INPP5D: variants seen among roughly 807,000 people sequenced by gnomAD.
INPP5D encodes inositol polyphosphate-5-phosphatase D.
Under a neutral mutation model 122.9 loss-of-function variants are expected in INPP5D, and 33 were observed. The ratio of observed to expected loss-of-function variants is 0.27; its 90% CI spans 0.20 to 0.36. The LOEUF (loss-of-function observed/expected upper bound fraction) is 0.36. Among genes scored for constraint, INPP5D ranks in the 10% least tolerant of loss-of-function variants. INPP5D has a pLI of 1.00. For missense variants in INPP5D, 1,053 were observed against 1,412.7 expected (o/e 0.75, Z 4.08); for synonymous variants, 584 against 576.2 (o/e 1.01, Z -0.19).
rs1163847914 is a variant in INPP5D, at chr2:233,128,626, C to T, written c.525-1882C>T. Among the ~76,000 whole-genome samples, 6 of 152,116 alleles carry T rather than the reference C, an allele frequency of 3.9e-5. No homozygotes were observed. The highest frequency in any genetic ancestry group is 3.9e-4 in the East Asian group (2 of 5,172). On this transcript the variant is annotated intron_variant, in intron 4 of 26. Transcript: ENST00000445964. The surrounding 1 kb of genome is among the most constrained non-coding windows in gnomAD (Gnocchi z 4.5). The stretch of plus-strand genomic sequence containing the variant: ...CTGAGTAGCTGGGACTACAAACGCA[C>T]GCCACCACGCCCAGCTAATTTTTGT...
intron 2 of INPP5D, among the ~76,000 whole-genome samples, chr2:233,097,767 A>C (rs1322351724): frequency 2.0e-5 from 3 of 152,200 alleles, no homozygotes; most frequent in Non-Finnish European, 4.4e-5. Flanking sequence ...AATGGCAGAC[A>C]GTCTGTTCCT....
In INPP5D at chr2:233,163,920, A is replaced by C. The variant is rs773002781; in HGVS notation, c.1437+17A>C. On this transcript the variant is annotated intron_variant, in intron 12 of 26. Coordinates refer to ENST00000445964, the MANE Select transcript of INPP5D (RefSeq NM_001017915.3). ...TTTAAAACAGTGAGCAGCTGGCTGC[A>C]CGCTGGGTGGGCTTCCGGGATAGAA... The C allele has an allele frequency of 6.2e-7, 1 of 1,611,772 alleles. No individual in the cohort carries two copies. Among genetic ancestry groups the C allele is most frequent in the Non-Finnish European group, 8.5e-7 (1 of 1,178,244 alleles).
In INPP5D at chr2:233,114,930, C is replaced by T. The variant is rs551860018; in HGVS notation, c.199-7177C>T. ...TCACCCAGGCTGGACTGCAATGGCA[C>T]AATCTCGGCTCACCACAACCTCTGC... On this transcript the variant is annotated intron_variant, in intron 2 of 26. Transcript: ENST00000445964. Among the ~76,000 whole-genome samples, 17 of 151,772 alleles carry T rather than the reference C, an allele frequency of 1.1e-4. No homozygotes were observed. The South Asian group carries it at 3.3e-3, about 30-fold the overall frequency.
chr2:233,182,341 G>T (rs917699910), intron 18 of INPP5D, 69 bp from the exon 19 acceptor site: 2 of 1,598,132 alleles, frequency 1.3e-6, no homozygotes, highest in African/African-American at 1.3e-5. Flanking sequence ...CTGCTTTAGG[G>T]TTGCCATCCT....
At chr2:233,075,328 C>A (rs532493784) in intron 1 of INPP5D, among the ~76,000 whole-genome samples, 11 of 152,270 alleles carry the variant, frequency 7.2e-5, no homozygotes, top group African/African-American at 2.6e-4. Flanking sequence ...AGCTGAGAGC[C>A]AGTGTTAGCG....
chr2:233,204,109 T>C lies in INPP5D; in HGVS notation c.2976-17T>C. On this transcript the variant is annotated splice_polypyrimidine_tract_variant and intron_variant, in intron 25 of 26. Coordinates refer to ENST00000445964, the MANE Select transcript of INPP5D (RefSeq NM_001017915.3). ...TCCCCTGGACATGTGTCTTCCCTGC[T>C]CTGTCCCTGGCTCTAGGCCCAGTGA... The C allele has an allele frequency of 6.6e-7, 1 of 1,507,988 alleles. No individual in the cohort carries two copies. Among genetic ancestry groups the C allele is most frequent in the Non-Finnish European group, 8.9e-7 (1 of 1,126,152 alleles). The allele number at this position is 1,507,988 out of a possible 1,614,324, so 93.4% of individuals were successfully genotyped here. A position where few individuals can be genotyped will look rare whatever the true frequency, so the allele number is the denominator to read the frequency against.
intron 6 of INPP5D, chr2:233,145,126 A>C: frequency 2.3e-6 from 1 of 427,090 alleles, no homozygotes; most frequent in Non-Finnish European, 4.7e-6. Flanking sequence ...AAGGTATCTT[A>C]TTAACTCTAC....
intron 10 of INPP5D, among the ~76,000 whole-genome samples, 151 bp downstream of exon 10, chr2:233,158,570 T>C (rs1175074956): frequency 1.3e-5 from 2 of 152,056 alleles, no homozygotes; most frequent in Admixed American, 6.6e-5. Flanking sequence ...CTTAGAGAAG[T>C]TGAGGATCAT....
chr2:233,077,976 G>A (rs1324095554), intron 1 of INPP5D, among the ~76,000 whole-genome samples: 2 of 152,178 alleles, frequency 1.3e-5, no homozygotes, highest in African/African-American at 2.4e-5. Flanking sequence ...TGAGGCACTG[G>A]CTTCATTACA....
At chr2:233,110,630 T>C (rs1267199861) in intron 2 of INPP5D, among the ~76,000 whole-genome samples, 1 of 152,110 alleles carries the variant, frequency 6.6e-6, no homozygotes, top group East Asian at 1.9e-4. Flanking sequence ...GCTCAAAAAG[T>C]GGTTATTTAG....
In INPP5D at chr2:233,125,751, G is replaced by C. The variant is rs1227288206; in HGVS notation, c.356G>C (p.Ser119Thr). Residue 119 changes from serine (S) to threonine (T), a missense_variant, in exon 4 of 27, where the codon AGT becomes ACT. By Grantham distance (58) the Ser-to-Thr change is moderately conservative (BLOSUM62 1). Coordinates refer to ENST00000445964, the MANE Select transcript of INPP5D (RefSeq NM_001017915.3). ...TTCCTGCTGTTCTCTCCAGTAGAAAGTGTCGTGTCTCCACCCGAGCTGCCC... is the reference window on the plus strand; with the variant it reads ...TTCCTGCTGTTCTCTCCAGTAGAAACTGTCGTGTCTCCACCCGAGCTGCCC... ...GDDPEEDTVE[S>T]VVSPPELPPR... The C allele has an allele frequency of 2.5e-6, 4 of 1,612,654 alleles. No individual in the cohort carries two copies. Among genetic ancestry groups the C allele is most frequent in the African/African-American group, 1.3e-5 (1 of 74,904 alleles).
At chr2:233,102,676 G>A (rs993062268) in intron 2 of INPP5D, among the ~76,000 whole-genome samples, 3 of 151,802 alleles carry the variant, frequency 2.0e-5, no homozygotes, top group Admixed American at 6.6e-5. Context: ...GTGAAACCCC[G>A]TCTCTACTAA....
At chr2:233,087,790 T>C (rs1467308710) in intron 2 of INPP5D, among the ~76,000 whole-genome samples, 1 of 152,240 alleles carries the variant, frequency 6.6e-6, no homozygotes, top group Non-Finnish European at 1.5e-5. Flanking sequence ...AAAATTATGA[T>C]TTATCTCACC....
chr2:233,068,298 A>T (rs1412822181), intron 1 of INPP5D, among the ~76,000 whole-genome samples: 1 of 150,234 alleles, frequency 6.7e-6, no homozygotes, highest in Admixed American at 6.6e-5. Context: ...AAAAAAAAAA[A>T]AAAATCATGC....
intron 22 of INPP5D, among the ~76,000 whole-genome samples, chr2:233,190,574 G>T (rs1454954684): frequency 2.0e-5 from 3 of 152,314 alleles, no homozygotes; most frequent in African/African-American, 4.8e-5. Flanking sequence ...CACAGCTCAG[G>T]GCTCTCTGGT....
chr2:233,079,316 A>C lies in INPP5D; in HGVS notation c.135-19A>C. On this transcript the variant is annotated intron_variant, in intron 1 of 26. Coordinates refer to ENST00000445964, the MANE Select transcript of INPP5D (RefSeq NM_001017915.3). ...GGTCTTCCTGCATGGGTTCTAATAA[A>C]GTCTTTGATCTATTTCAGGTATCGG... 8 of 1,539,052 alleles carry C rather than the reference A, an allele frequency of 5.2e-6. No individual in the cohort carries two copies. Among genetic ancestry groups the C allele is most frequent in the Non-Finnish European group, 7.2e-6 (8 of 1,111,814 alleles).
rs1467809947 is a variant in INPP5D, at chr2:233,165,554, CTA to C, written c.1555+1132_1555+1133del. 2.0e-5 allele frequency among the ~76,000 whole-genome samples: 3 copies of C among 148,178 alleles called. No individual in the cohort carries two copies. The East Asian group carries it at 6.0e-4, about 30-fold the overall frequency. The stretch of plus-strand genomic sequence containing the variant: ...TCCATATCTATGAGTGTGTGAGTGT[CTA>C]TGTGTGTGTGTCCATGCATGTGTGT... On this transcript the variant is annotated intron_variant, in intron 13 of 26. Coordinates refer to ENST00000445964, the MANE Select transcript of INPP5D (RefSeq NM_001017915.3).
At chr2:233,110,032 G>A (rs1383396100) in intron 2 of INPP5D, among the ~76,000 whole-genome samples, 1 of 150,676 alleles carries the variant, frequency 6.6e-6, no homozygotes, top group Non-Finnish European at 1.5e-5. Flanking sequence ...CTATAGGCAT[G>A]TGCCACCATG....
intron 19 of INPP5D, among the ~76,000 whole-genome samples, chr2:233,182,766 G>T (rs189735256): frequency 1.6e-4 from 24 of 152,108 alleles, no homozygotes; most frequent in African/African-American, 5.3e-4. Flanking sequence ...CCAAGGTGTG[G>T]CCTGAAGACA....
Sources: gnomAD v4.1 joint callset for allele counts (sites outside exome capture counted in the v4.1 genomes callset) on GRCh38, gnomAD v4.1.1 for gene constraint, Gnocchi (gnomAD v3.1) non-coding constraint, MANE v1.5 for transcripts, NCBI Gene and HGNC (gene_info 2026-07-23, HGNC 2026-07-21) for gene names.